Variants in SRPRA observed in about 807,000 individuals in gnomAD.
SRPRA encodes the protein signal recognition particle receptor subunit alpha.
In SRPRA, 30 loss-of-function variants were observed where a neutral mutation model predicts 61.1. The ratio of observed to expected loss-of-function variants is 0.49; its 90% CI spans 0.37 to 0.67. SRPRA has a LOEUF of 0.67. Among genes scored for constraint, SRPRA ranks in the 30% least tolerant of loss-of-function variants. SRPRA has a pLI of 0.00. For synonymous variants in SRPRA, 324 were observed against 299.7 expected (o/e 1.08, Z -0.84); for missense variants, 759 against 828.4 (o/e 0.92, Z 1.03).
At position 126,268,078 on chromosome 11, in the gene SRPRA, T is replaced by G. The variant is rs1950856726; in HGVS notation, c.126A>C (p.Gly42=). ...CCTCATGGGTGAAGGAGTTGTTACC[T>G]CCCCGTTCCTGGAGAAAGAGTATGT... is the stretch of plus-strand genomic sequence containing the variant. The part of the protein sequence containing the change: ...LIRSVLLQER[G]GNNSFTHEAL... Residue 42 remains glycine, a synonymous_variant, in exon 2 of 14, where the codon GGA becomes GGC. Coordinates refer to ENST00000332118, the MANE Select transcript of SRPRA (RefSeq NM_003139.4). 6.2e-7 allele frequency: 1 copy of G among 1,613,836 alleles called. No homozygotes were observed. The highest frequency in any genetic ancestry group is 8.5e-7 in the Non-Finnish European group (1 of 1,179,924).
At chr11:126,236,059 T>C in the SRPRA span, among the ~76,000 whole-genome samples, 1 of 152,250 alleles carries the variant, frequency 6.6e-6, no homozygotes, top group Non-Finnish European at 1.5e-5. Flanking sequence ...TCATGGATTC[T>C]TCCTTCTGGA....
At chr11:126,237,474 G>A in the SRPRA span, among the ~76,000 whole-genome samples, 1 of 143,148 alleles carries the variant, frequency 7.0e-6, no homozygotes, top group African/African-American at 2.5e-5. Flanking sequence ...CTGACCTCAA[G>A]TGATCCACCT....
chr11:126,264,068 C>A lies in SRPRA; in HGVS notation c.1789-24G>T, dbSNP rs1364099251. 3 of 1,613,884 alleles carry A rather than the reference C, an allele frequency of 1.9e-6. No homozygotes were observed. The highest frequency in any genetic ancestry group is 1.7e-4 in the Middle Eastern group (1 of 6,060). ...ACCTAAGTGGAGAAAGAGGACAGCC[C>A]ATCAACACAAGCCCACTTTTCACTC... On this transcript the variant is annotated intron_variant, in intron 13 of 13. Coordinates refer to ENST00000332118, the MANE Select transcript of SRPRA (RefSeq NM_003139.4). The surrounding 1 kb of genome is among the most constrained non-coding windows in gnomAD (Gnocchi z 5.0).
the SRPRA span, among the ~76,000 whole-genome samples, chr11:126,242,232 TA>T: frequency 6.0e-5 from 9 of 150,728 alleles, no homozygotes; most frequent in African/African-American, 1.5e-4. Flanking sequence ...AAAACTAAAG[TA>T]AAAAAAAATA....
the SRPRA span, among the ~76,000 whole-genome samples, chr11:126,244,884 T>G: frequency 6.6e-6 from 1 of 152,090 alleles, no homozygotes; most frequent in Non-Finnish European, 1.5e-5. The surrounding 1 kb of genome is among the most constrained non-coding windows in gnomAD (Gnocchi z 4.5). Context: ...TCTAAATAAA[T>G]GGAAAGACAT....
At chr11:126,255,549 G>A in the SRPRA span, among the ~76,000 whole-genome samples, 1 of 152,086 alleles carries the variant, frequency 6.6e-6, no homozygotes, top group Non-Finnish European at 1.5e-5. This position sits in a 1 kb window ranked among gnomAD's most constrained non-coding sequence, Gnocchi z 4.6. Context: ...GAGCAAATCC[G>A]ATGATGGAAT....
chr11:126,247,526 C>T, the SRPRA span, among the ~76,000 whole-genome samples: 1 of 152,034 alleles, frequency 6.6e-6, no homozygotes, highest in Non-Finnish European at 1.5e-5. Context: ...ATACCCAGGC[C>T]TTTTTATCGG....
chr11:126,258,633 T>C (rs576378619), downstream of SRPRA, among the ~76,000 whole-genome samples: 4 of 152,376 alleles, frequency 2.6e-5, no homozygotes, highest in African/African-American at 9.6e-5. Flanking sequence ...TCTGGTGTCC[T>C]GCAGTGTTCT....
chr11:126,236,717 G>A, the SRPRA span, among the ~76,000 whole-genome samples: 16 of 148,580 alleles, frequency 1.1e-4, no homozygotes, highest in African/African-American at 4.0e-4. Context: ...TTCAGATGTT[G>A]GACTTCTTGT....
chr11:126,264,020 A>G lies in SRPRA; in HGVS notation c.1813T>C (p.Tyr605His). ...AAGACGATGGGTTTGCTTGTGATGT[A>G]CGTCATAGAAATAGCAGCTCCCACC... ...DKVGAAISMTYITSKPIVFVG... is the reference protein window; with the variant it reads ...DKVGAAISMTHITSKPIVFVG... Residue 605 changes from tyrosine (Y) to histidine (H), a missense_variant, in exon 14 of 14, where the codon TAC (tyrosine) becomes CAC (histidine). By Grantham distance (83) the Tyr-to-His change is moderately conservative. Coordinates refer to ENST00000332118, the MANE Select transcript of SRPRA (RefSeq NM_003139.4). The surrounding 1 kb of genome is among the most constrained non-coding windows in gnomAD (Gnocchi z 5.0). 1 of 1,614,126 alleles carries G rather than the reference A, an allele frequency of 6.2e-7. No homozygotes were observed. The highest frequency in any genetic ancestry group is 2.2e-5 in the East Asian group (1 of 44,876).
chr11:126,250,326 C>T, the SRPRA span, among the ~76,000 whole-genome samples: 2 of 152,100 alleles, frequency 1.3e-5, no homozygotes, highest in Admixed American at 6.5e-5. This position sits in a 1 kb window ranked among gnomAD's most constrained non-coding sequence, Gnocchi z 5.1. Flanking sequence ...CTCCTGACCT[C>T]GTGATCCGCC....
the SRPRA span, chr11:126,245,292 A>AC: frequency 6.6e-6 from 1 of 152,082 alleles, no homozygotes; most frequent in African/African-American, 2.4e-5. Flanking sequence ...TAAAAAAAAA[A>AC]ATTAAAACTT....
In SRPRA at chr11:126,265,693, C is replaced by G. The variant is rs147813028; in HGVS notation, c.1138+44G>C. The G allele has an allele frequency of 1.2e-5, 19 of 1,603,410 alleles. No individual in the cohort carries two copies. In the African/African-American group the frequency reaches 1.9e-4, roughly 16 times the overall value. ...CCTAGTAAGAACTGAGGTCTATGCA[C>G]TTAACCTACACATAAGCACTTTCTC... On this transcript the variant is annotated intron_variant, in intron 9 of 13. Coordinates refer to ENST00000332118, the MANE Select transcript of SRPRA (RefSeq NM_003139.4). This position sits in a 1 kb window ranked among gnomAD's most constrained non-coding sequence, Gnocchi z 6.3.
chr11:126,257,112 A>G, the SRPRA span, among the ~76,000 whole-genome samples: 5 of 152,244 alleles, frequency 3.3e-5, no homozygotes, highest in African/African-American at 9.6e-5. Flanking sequence ...CTAGTTATCA[A>G]TGAAATGCAG....
the SRPRA span, chr11:126,256,738 C>T: frequency 3.7e-6 from 6 of 1,614,110 alleles, no homozygotes; most frequent in Non-Finnish European, 4.2e-6. This position sits in a 1 kb window ranked among gnomAD's most constrained non-coding sequence, Gnocchi z 6.6. Context: ...CAAAAAGCTT[C>T]GAGAAAACAT....
In SRPRA at chr11:126,267,042, G is replaced by T; in HGVS notation, c.527-120C>A. On this transcript the variant is annotated intron_variant, in intron 4 of 13. Transcript: ENST00000332118. The surrounding 1 kb of genome is among the most constrained non-coding windows in gnomAD (Gnocchi z 4.2). ...GACCAAACATCTTGGAGTTCATAAGGCCTGGGGATTATAGGATGGTGACCA... is the reference window on the plus strand; with the variant it reads ...GACCAAACATCTTGGAGTTCATAAGTCCTGGGGATTATAGGATGGTGACCA... 1 of 1,523,112 alleles carries T rather than the reference G, an allele frequency of 6.6e-7. No individual in the cohort carries two copies. The highest frequency in any genetic ancestry group is 2.0e-5 in the Admixed American group (1 of 50,844). The allele number at this position is 1,523,112 out of a possible 1,614,324, so 94.3% of individuals were successfully genotyped here.
the SRPRA span, among the ~76,000 whole-genome samples, chr11:126,257,519 A>G: frequency 4.0e-5 from 6 of 148,278 alleles, no homozygotes; most frequent in Non-Finnish European, 8.9e-5. Flanking sequence ...TCATTGCCAT[A>G]AAAAAAAAAG....
rs1950759942 is a variant in SRPRA at position 126,264,200 on chromosome 11, A to G, written c.1779T>C (p.Ile593=). 2 of 1,613,950 alleles carry G rather than the reference A, an allele frequency of 1.2e-6. No individual in the cohort carries two copies. The highest frequency in any genetic ancestry group is 2.7e-5 in the African/African-American group (2 of 74,910). ...CCAGTCTCACGTTTACCTTGTCATC[A>G]ATGGTATCAAATTTGGTAAGAACAA... ...DGIVLTKFDT[I]DDKVGAAISM... Residue 593 remains isoleucine, a synonymous_variant, in exon 13 of 14, where the codon ATT becomes ATC. Transcript: ENST00000332118. This position sits in a 1 kb window ranked among gnomAD's most constrained non-coding sequence, Gnocchi z 5.0.
At chr11:126,266,957 G>A (rs1270536217) in intron 4 of SRPRA, 35 bp from the exon 5 acceptor site, 1 of 1,602,456 alleles carries the variant, frequency 6.2e-7, no homozygotes, top group African/African-American at 1.4e-5. Flanking sequence ...GAAAAAAGAA[G>A]ACCAATCCCA....
Sources: gnomAD v4.1 joint callset for allele counts (sites outside exome capture counted in the v4.1 genomes callset) on GRCh38, gnomAD v4.1.1 for gene constraint, Gnocchi (gnomAD v3.1) non-coding constraint, MANE v1.5 for transcripts, NCBI Gene and HGNC (gene_info 2026-07-23, HGNC 2026-07-21) for gene names.